Variants in LMCD1 observed in about 807,000 individuals in gnomAD.
LMCD1 encodes LIM and cysteine rich domains 1, also known as LIM and cysteine-rich domains protein 1.
LMCD1 carries 32 observed loss-of-function variants against 42.7 expected under a neutral mutation model. The observed-to-expected ratio is 0.75, with a 90% CI of 0.57 to 1.01. The LOEUF is 1.01. Ranked by LOEUF, LMCD1 falls within the 50% of genes least tolerant of loss-of-function variation. The probability of loss-of-function intolerance (pLI) is 0.00; values close to 1 mark genes in which losing one functional copy is unlikely to be tolerated. For synonymous variants in LMCD1, 178 were observed against 184.9 expected (o/e 0.96, Z 0.30); for missense variants, 458 against 483.1 (o/e 0.95, Z 0.49).
At chr3:8,533,829 G>A (rs374330088) in intron 2 of LMCD1, among the ~76,000 whole-genome samples, 2 of 151,932 alleles carry the variant, frequency 1.3e-5, no homozygotes, top group Admixed American at 6.6e-5. Flanking sequence ...GCTCCTAATC[G>A]TTCTGCAGTA....
chr3:8,565,446 C>T lies in LMCD1; in HGVS notation c.738C>T (p.Cys246=). The T allele has an allele frequency of 6.2e-7, 1 of 1,614,082 alleles. No individual in the cohort carries two copies. The highest frequency in any genetic ancestry group is 8.5e-7 in the Non-Finnish European group (1 of 1,179,934). Residue 246 remains cysteine, a synonymous_variant, in exon 5 of 6, where the codon TGC becomes TGT. Transcript: ENST00000157600. ...SKEVEYVCEL[C]KGAAPPDSPV... is the part of the protein sequence containing the mutation. ...CATCCTTCCAGGTCTGCGAGCTCTG[C>T]AAGGGAGCGGCCCCTCCTGACAGCC...
chr3:8,519,254 T>A (rs1478887512), intron 1 of LMCD1, among the ~76,000 whole-genome samples: 1 of 151,634 alleles, frequency 6.6e-6, no homozygotes, highest in Non-Finnish European at 1.5e-5. Flanking sequence ...ATGATAGGAG[T>A]GTCTGAGGGA....
chr3:8,528,459 G>A lies in LMCD1; in HGVS notation c.43-4278G>A, dbSNP rs574867825. On this transcript the variant is annotated intron_variant, in intron 1 of 5. Coordinates refer to ENST00000157600, the MANE Select transcript of LMCD1 (RefSeq NM_014583.4). Reference sequence around the variant, plus strand: ...AATCCCCCTGCCTCAGCCTCCCAGAGTGCTGGGATTACAGGAATGAGCCAC... The same window carrying A: ...AATCCCCCTGCCTCAGCCTCCCAGAATGCTGGGATTACAGGAATGAGCCAC... Among the ~76,000 whole-genome samples the A allele has an allele frequency of 6.6e-5, 10 of 152,250 alleles. No homozygotes were observed. The South Asian group carries it at 2.1e-3, about 32-fold the overall frequency.
chr3:8,558,612 A>G (rs1452409746), intron 4 of LMCD1, among the ~76,000 whole-genome samples: 1 of 152,220 alleles, frequency 6.6e-6, no homozygotes, highest in Admixed American at 6.5e-5. Flanking sequence ...CTAATTATAA[A>G]GCATTCTTCT....
In LMCD1 at chr3:8,548,764, G is replaced by C; in HGVS notation, c.584G>C (p.Gly195Ala). 1.9e-6 allele frequency: 3 copies of C among 1,613,096 alleles called. No individual in the cohort carries two copies. Among genetic ancestry groups the C allele is most frequent in the Non-Finnish European group, 2.5e-6 (3 of 1,179,136 alleles). Residue 195 changes from glycine (G) to alanine (A), a missense_variant, in exon 4 of 6, where the codon GGC becomes GCC. By Grantham distance (60) the Gly-to-Ala change is moderately conservative (BLOSUM62 0). Coordinates refer to ENST00000157600, the MANE Select transcript of LMCD1 (RefSeq NM_014583.4). The stretch of plus-strand genomic sequence containing the variant: ...AAGCAATATAAGAGCGAGGCCCTCG[G>C]CGTGGGAGAAGTGGCCCTCCCGGGG... ...FVKQYKSEALGVGEVALPGQG... is the reference protein window; with the variant it reads ...FVKQYKSEALAVGEVALPGQG...
chr3:8,515,911 TG>T (rs1348601177), intron 1 of LMCD1, among the ~76,000 whole-genome samples: 1 of 150,896 alleles, frequency 6.6e-6, no homozygotes, highest in Non-Finnish European at 1.5e-5. Flanking sequence ...TAGGAGTGGG[TG>T]GGGGGAGTGG....
chr3:8,558,496 G>A (rs1000013945), intron 4 of LMCD1, among the ~76,000 whole-genome samples: 1 of 152,162 alleles, frequency 6.6e-6, no homozygotes, highest in Non-Finnish European at 1.5e-5. Flanking sequence ...CTACCCAGGT[G>A]GGAAATAGTC....
intron 4 of LMCD1, chr3:8,550,949 A>C: frequency 1.0e-6 from 1 of 985,448 alleles, no homozygotes; most frequent in Non-Finnish European, 1.2e-6. Flanking sequence ...AGGCAGCCCA[A>C]GAACCCGGGT....
chr3:8,521,692 GAA>G (rs946859562), intron 1 of LMCD1, among the ~76,000 whole-genome samples: 1 of 152,082 alleles, frequency 6.6e-6, no homozygotes, highest in Non-Finnish European at 1.5e-5. Context: ...GCAGACAGAA[GAA>G]AAAGAAAAAG....
intron 1 of LMCD1, among the ~76,000 whole-genome samples, chr3:8,531,402 T>C (rs1452213647): frequency 1.3e-5 from 2 of 152,214 alleles, no homozygotes; most frequent in Admixed American, 1.3e-4. Context: ...TATGAATTTA[T>C]TAACACTTTC....
At chr3:8,529,239 G>A (rs1478563260) in intron 1 of LMCD1, among the ~76,000 whole-genome samples, 1 of 152,222 alleles carries the variant, frequency 6.6e-6, no homozygotes, top group Non-Finnish European at 1.5e-5. Flanking sequence ...GCTTCTGGAT[G>A]AATGGCATGC....
At chr3:8,531,469 A>C (rs1694410619) in intron 1 of LMCD1, among the ~76,000 whole-genome samples, 1 of 152,162 alleles carries the variant, frequency 6.6e-6, no homozygotes, top group South Asian at 2.1e-4. Flanking sequence ...CTAGTGCCTA[A>C]TGTGGTCCTG....
chr3:8,525,521 T>A (rs1694283105), intron 1 of LMCD1, among the ~76,000 whole-genome samples: 1 of 152,204 alleles, frequency 6.6e-6, no homozygotes, highest in South Asian at 2.1e-4. Flanking sequence ...AGCGCTGCAG[T>A]GAACTTGGGA....
At position 8,517,231 on chromosome 3, in the gene LMCD1, C is replaced by G. The variant is rs948947083; in HGVS notation, c.42+15251C>G. Among the ~76,000 whole-genome samples, 16 of 152,150 alleles carry G rather than the reference C, an allele frequency of 1.1e-4. 1 individual carries two copies. The highest frequency in any genetic ancestry group is 9.8e-4 in the Admixed American group (15 of 15,270). On this transcript the variant is annotated intron_variant, in intron 1 of 5. Transcript: ENST00000157600. Reference sequence around the variant, plus strand: ...CATGAGTGGAAAATTCCACACCTGACCTCATGTACATACACTTTGTTTTAT... The same window carrying G: ...CATGAGTGGAAAATTCCACACCTGAGCTCATGTACATACACTTTGTTTTAT...
At position 8,537,308 on chromosome 3, in the gene LMCD1, G is replaced by A. The variant is rs1268871516; in HGVS notation, c.255G>A (p.Val85=). ...AGTATTCCACCCTCACTGCTCGGGT[G>A]AAAGGCGGGGACGGCATCCGGATTT... ...DSKYSTLTAR[V]KGGDGIRIYK... Residue 85 remains valine, a synonymous_variant, in exon 3 of 6, where the codon GTG becomes GTA. Coordinates refer to ENST00000157600, the MANE Select transcript of LMCD1 (RefSeq NM_014583.4). The A allele has an allele frequency of 6.2e-7, 1 of 1,614,162 alleles. No individual in the cohort carries two copies.
At chr3:8,549,036 A>G in intron 4 of LMCD1, 133 bp downstream of exon 4, 1 of 651,728 alleles carries the variant, frequency 1.5e-6, no homozygotes, top group Admixed American at 3.4e-5. Context: ...GCAGATATTG[A>G]TTGCTCATTT....
chr3:8,529,422 T>A (rs1043358064), intron 1 of LMCD1, among the ~76,000 whole-genome samples: 31 of 152,174 alleles, frequency 2.0e-4, no homozygotes, highest in African/African-American at 7.2e-4. Context: ...GGGCCAACTC[T>A]CGCTTCCTGA....
chr3:8,540,061 A>G (rs1415080895), intron 3 of LMCD1, among the ~76,000 whole-genome samples: 1 of 151,332 alleles, frequency 6.6e-6, no homozygotes, highest in African/African-American at 2.4e-5. Context: ...ATAAAAAAGG[A>G]TGAGTTCATA....
rs752204449 is a variant in LMCD1, at chr3:8,565,454, C to T, written c.746C>T (p.Ala249Val). Residue 249 changes from alanine (A) to valine (V), a missense_variant, in exon 5 of 6, where the codon GCG (alanine) becomes GTG (valine). By Grantham distance (64) the Ala-to-Val change is moderately conservative. Transcript: ENST00000157600. ...CAGGTCTGCGAGCTCTGCAAGGGAG[C>T]GGCCCCTCCTGACAGCCCCGTGGTC... ...VEYVCELCKG[A>V]APPDSPVVYS... is the part of the protein sequence containing the mutation. 1.6e-5 allele frequency: 26 copies of T among 1,614,044 alleles called. No homozygotes were observed. The highest frequency in any genetic ancestry group is 1.1e-4 in the African/African-American group (8 of 74,928).
Sources: allele counts gnomAD v4.1 joint callset (sites outside exome capture counted in the v4.1 genomes callset), GRCh38; gene constraint gnomAD v4.1.1; transcripts MANE v1.5; gene names NCBI Gene and HGNC (gene_info 2026-07-23, HGNC 2026-07-21).